The following ADAM23 variants were observed in gnomAD, a reference collection of about 807,000 sequenced individuals.
The protein encoded by ADAM23 is disintegrin and metalloproteinase domain-containing protein 23.
A neutral mutation model predicts 120.1 loss-of-function variants in ADAM23; 33 were observed. The ratio of observed to expected loss-of-function variants is 0.27; its 90% confidence interval spans 0.21 to 0.37. The LOEUF (loss-of-function observed/expected upper bound fraction) is 0.37. Ranked by LOEUF, ADAM23 falls within the 10% of genes least tolerant of loss-of-function variation. The probability of loss-of-function intolerance (pLI) is 1.00; values close to 1 mark genes in which losing one functional copy is unlikely to be tolerated. For missense variants in ADAM23, 862 were observed against 1,058.2 expected, an observed-to-expected ratio of 0.81 and a Z score of 2.57; for synonymous variants, 367 against 375.2, an observed-to-expected ratio of 0.98 and a Z score of 0.25.
At chr2:206,448,052 A>G (rs1695117707) in intron 2 of ADAM23, among the ~76,000 whole-genome samples, 1 of 152,224 alleles carries the variant, frequency 6.6e-6, no homozygotes, top group Non-Finnish European at 1.5e-5. Context: ...TTGCATCCTA[A>G]TGTTTCTGAA....
In ADAM23 at chr2:206,560,066, T is replaced by C. The variant is rs1310330205; in HGVS notation, c.1117T>C (p.Ser373Pro). The C allele has an allele frequency of 6.2e-7, 1 of 1,614,058 alleles. No individual in the cohort carries two copies. The highest frequency in any genetic ancestry group is 2.2e-5 in the East Asian group (1 of 44,888). The change falls in exon 11 of 26, where the codon TCA (serine) becomes CCA (proline). Residue 373 changes from serine to proline, a missense_variant. This residue lies in a region of ADAM23 where 617 missense variants were observed against 813.5 expected (regional missense o/e 0.76). Transcript: ENST00000264377. ...CCCTGTGCAGATGCTCCATGAGTTC[T>C]CAAAATACCGGCAGCGCATTAAGCA... ...TNPVQMLHEF[S>P]KYRQRIKQHA...
intron 6 of ADAM23, among the ~76,000 whole-genome samples, chr2:206,546,183 T>C (rs1244737467): frequency 6.6e-6 from 1 of 152,208 alleles, no homozygotes; most frequent in Non-Finnish European, 1.5e-5. Context: ...GGTTATGTAA[T>C]GATTTGTCCT....
intron 19 of ADAM23, 133 bp from the exon 20 acceptor site, chr2:206,587,958 T>C: frequency 2.4e-6 from 2 of 821,446 alleles, no homozygotes; most frequent in Non-Finnish European, 4.0e-6. Flanking sequence ...TGATCCTTAC[T>C]GGTCACTATA....
chr2:206,547,183 T>C (rs907662984), intron 6 of ADAM23, among the ~76,000 whole-genome samples: 1 of 152,208 alleles, frequency 6.6e-6, no homozygotes, highest in African/African-American at 2.4e-5. Context: ...TTTATAGCTT[T>C]AAAGAAAGCT....
In ADAM23 at chr2:206,462,440, C is replaced by T. The variant is rs867748243; in HGVS notation, c.432+16916C>T. On this transcript the variant is annotated intron_variant, in intron 2 of 25. Transcript: ENST00000264377. The stretch of plus-strand genomic sequence containing the variant: ...AAGTACTATCTTTTGTCTGCCTGCT[C>T]TGAAAGGCAAAGACTGTATCACACT... Among the ~76,000 whole-genome samples, 13 of 152,218 alleles carry T rather than the reference C, an allele frequency of 8.5e-5. No individual in the cohort carries two copies. The South Asian group carries it at 2.3e-3, about 27-fold the overall frequency.
intron 3 of ADAM23, among the ~76,000 whole-genome samples, chr2:206,513,549 C>T (rs566049488): frequency 1.6e-4 from 24 of 152,204 alleles, no homozygotes; most frequent in Admixed American, 1.2e-3. Context: ...AAGCTGTTTC[C>T]ATAACATAAA....
chr2:206,474,785 G>T (rs1695741495), intron 2 of ADAM23, among the ~76,000 whole-genome samples: 1 of 152,102 alleles, frequency 6.6e-6, no homozygotes, highest in Non-Finnish European at 1.5e-5. Context: ...ATGTTGCCCA[G>T]CCTGGTCTTG....
intron 2 of ADAM23, among the ~76,000 whole-genome samples, chr2:206,477,912 A>ATATG (rs1695815979): frequency 7.0e-6 from 1 of 143,588 alleles, no homozygotes; most frequent in African/African-American, 2.6e-5. Flanking sequence ...ATATATATAT[A>ATATG]TATATATATA....
At chr2:206,567,009 GC>G (rs1034328849) in intron 14 of ADAM23, among the ~76,000 whole-genome samples, 4 of 152,138 alleles carry the variant, frequency 2.6e-5, no homozygotes, top group Admixed American at 6.5e-5. Context: ...TTGTAATGTA[GC>G]CCCCAAATCT....
At chr2:206,482,475 G>A (rs924512076) in intron 3 of ADAM23, among the ~76,000 whole-genome samples, 4 of 152,110 alleles carry the variant, frequency 2.6e-5, no homozygotes, top group East Asian at 3.9e-4. Context: ...AAACTGTAGC[G>A]AGATGATCGC....
At chr2:206,459,492 T>G (rs1378870824) in intron 2 of ADAM23, among the ~76,000 whole-genome samples, 1 of 152,208 alleles carries the variant, frequency 6.6e-6, no homozygotes, top group Non-Finnish European at 1.5e-5. Context: ...TTTTTCAGAG[T>G]TCTTGGACTT....
intron 2 of ADAM23, among the ~76,000 whole-genome samples, chr2:206,450,789 C>G (rs1334971541): frequency 6.6e-6 from 1 of 152,152 alleles, no homozygotes; most frequent in Non-Finnish European, 1.5e-5. Flanking sequence ...CAAATAGTTT[C>G]CAGTAAATCA....
At chr2:206,532,867 G>A (rs1355618600) in intron 4 of ADAM23, among the ~76,000 whole-genome samples, 2 of 151,944 alleles carry the variant, frequency 1.3e-5, no homozygotes, top group African/African-American at 2.4e-5. Context: ...TTCCAGATAC[G>A]TTTTGAATAC....
At chr2:206,543,769 A>G (rs1697341694) in intron 6 of ADAM23, among the ~76,000 whole-genome samples, 1 of 151,880 alleles carries the variant, frequency 6.6e-6, no homozygotes, top group Admixed American at 6.6e-5. Context: ...ACACACACAC[A>G]CGCACACGCA....
chr2:206,470,101 C>T (rs1458812141), intron 2 of ADAM23, among the ~76,000 whole-genome samples: 1 of 152,062 alleles, frequency 6.6e-6, no homozygotes, highest in Non-Finnish European at 1.5e-5. Context: ...AAAATGTAAA[C>T]CCTGGAAGGC....
chr2:206,498,377 C>G (rs964874494), intron 3 of ADAM23, among the ~76,000 whole-genome samples: 3 of 151,970 alleles, frequency 2.0e-5, no homozygotes, highest in African/African-American at 4.8e-5. Flanking sequence ...CTTTGACAAA[C>G]CTGACAAAAA....
chr2:206,495,353 C>A (rs1156432035), intron 3 of ADAM23, among the ~76,000 whole-genome samples: 1 of 152,108 alleles, frequency 6.6e-6, no homozygotes, highest in Non-Finnish European at 1.5e-5. Context: ...ATTCAACATT[C>A]TTAAAGAAAA....
At chr2:206,487,154 G>A (rs1448193650) in intron 3 of ADAM23, among the ~76,000 whole-genome samples, 1 of 152,184 alleles carries the variant, frequency 6.6e-6, no homozygotes, top group Non-Finnish European at 1.5e-5. Flanking sequence ...CGTGTTTGTT[G>A]ACAATGAATT....
chr2:206,557,282 C>T (rs1177301716), intron 9 of ADAM23, 145 bp from the exon 10 acceptor site: 2 of 655,406 alleles, frequency 3.1e-6, no homozygotes, highest in South Asian at 1.9e-5. Flanking sequence ...GAAGTAACAC[C>T]ACCAAATCCA....
Sources: allele counts gnomAD v4.1 joint callset (sites outside exome capture counted in the v4.1 genomes callset), GRCh38; gene constraint gnomAD v4.1.1; regional missense constraint gnomAD v4.1.1; transcripts MANE v1.5; gene names NCBI Gene and HGNC (gene_info 2026-07-23, HGNC 2026-07-21).